RTL9: variants seen among roughly 807,000 people sequenced by gnomAD.
RTL9 encodes the protein retrotransposon Gag like 9.
A neutral mutation model predicts 44.7 loss-of-function variants in RTL9; 19 were observed. The observed-to-expected ratio is 0.42, with a 90% CI of 0.30 to 0.62. The LOEUF (loss-of-function observed/expected upper bound fraction) is 0.62. Among genes scored for constraint, RTL9 ranks in the 20% least tolerant of loss-of-function variants. The probability of loss-of-function intolerance (pLI) is 0.16; values close to 1 mark genes in which losing one functional copy is unlikely to be tolerated. For missense variants in RTL9, 1,105 were observed against 1,080.6 expected, an observed-to-expected ratio of 1.02 and a Z score of -0.32; for synonymous variants, 407 against 398.9, an observed-to-expected ratio of 1.02 and a Z score of -0.24.
intron 1 of RTL9, among the ~76,000 whole-genome samples, chrX:110,375,173 G>T (rs1213682117): frequency 9.0e-6 from 1 of 111,641 alleles, no homozygotes; most frequent in African/African-American, 3.3e-5. Context: ...GGAATTGCAA[G>T]ACTAAAAATG....
chrX:110,445,781 G>A (rs894511118), upstream of RTL9, among the ~76,000 whole-genome samples: 1 of 112,080 alleles, frequency 8.9e-6, no homozygotes, highest in African/African-American at 3.2e-5. Context: ...GAGGCGGCAG[G>A]AGCATGACAC....
chrX:110,412,241 A>T (rs1301176854), intron 1 of RTL9, among the ~76,000 whole-genome samples: 1 of 112,622 alleles, frequency 8.9e-6, no homozygotes, highest in Non-Finnish European at 1.9e-5. Flanking sequence ...GGGCAACTGG[A>T]AATGTTATTT....
chrX:110,448,552 C>T (rs748705412), upstream of RTL9, among the ~76,000 whole-genome samples: 6 of 107,505 alleles, frequency 5.6e-5, no homozygotes, highest in East Asian at 8.8e-4. Context: ...AGTGCTAAGG[C>T]GGAGCTTCTG....
chrX:110,393,988 G>T (rs1449880609), intron 1 of RTL9, among the ~76,000 whole-genome samples: 1 of 112,549 alleles, frequency 8.9e-6, no homozygotes, highest in African/African-American at 3.2e-5. Flanking sequence ...CGCTCAATGA[G>T]CGCTTTTGTG....
intron 1 of RTL9, among the ~76,000 whole-genome samples, chrX:110,367,146 G>GTCAT (rs1230199493): frequency 2.7e-5 from 3 of 111,632 alleles, no homozygotes; most frequent in African/African-American, 9.8e-5. Context: ...CCTAATCAAG[G>GTCAT]TCATTACTCA....
At chrX:110,451,879 C>G in exon 1 of RTL9, 1 of 1,212,030 alleles carries the variant, frequency 8.3e-7, no homozygotes. Flanking sequence ...GCCCCAGCCT[C>G]TGGAAATATG....
At chrX:110,441,828 A>G (rs766981470) in intron 1 of RTL9, among the ~76,000 whole-genome samples, 3 of 112,055 alleles carry the variant, frequency 2.7e-5, no homozygotes, top group Non-Finnish European at 5.6e-5. Context: ...TATTTCGTGC[A>G]TGTAATGTAC....
intron 1 of RTL9, among the ~76,000 whole-genome samples, chrX:110,389,657 T>G (rs973588959): frequency 9.0e-6 from 1 of 110,695 alleles, no homozygotes; most frequent in African/African-American, 3.3e-5. Flanking sequence ...GTATTCAACC[T>G]TCAAAGCCAG....
At chrX:110,390,443 A>G (rs2068487028) in intron 1 of RTL9, among the ~76,000 whole-genome samples, 2 of 112,327 alleles carry the variant, frequency 1.8e-5, no homozygotes, top group Non-Finnish European at 3.8e-5. Context: ...GAACATCAAC[A>G]CTGCTTTTAG....
At chrX:110,388,906 T>C (rs1474293330) in intron 1 of RTL9, among the ~76,000 whole-genome samples, 1 of 112,510 alleles carries the variant, frequency 8.9e-6, no homozygotes, top group East Asian at 2.8e-4. Flanking sequence ...GAGTGTGAAC[T>C]GGCTAGGAAA....
upstream of RTL9, among the ~76,000 whole-genome samples, chrX:110,415,767 A>T (rs1305251461): frequency 9.0e-6 from 1 of 111,438 alleles, no homozygotes; most frequent in Non-Finnish European, 1.9e-5. Context: ...GCAGTAAAAT[A>T]CTCATTCCTT....
rs185801338 is a variant in RTL9, at chrX:110,360,331, C to G, written c.-168+1415C>G. ...GGGCTTTTGAATTTTATTCTGTGGA[C>G]CTACAGAATAGGTAGGCAAAATATG... is the stretch of plus-strand genomic sequence containing the variant. On this transcript the variant is annotated intron_variant, in intron 1 of 2. Transcript: ENST00000520821. Among the ~76,000 whole-genome samples, 19 of 111,457 alleles carry G rather than the reference C, an allele frequency of 1.7e-4. No homozygotes were observed. In the East Asian group the frequency reaches 5.4e-3, roughly 32 times the overall value.
chrX:110,373,126 A>G (rs190740478), intron 1 of RTL9, among the ~76,000 whole-genome samples: 75 of 112,010 alleles, frequency 6.7e-4, no homozygotes, highest in African/African-American at 2.4e-3. Context: ...ATAAGTAGGG[A>G]GTAAAACGTT....
intron 1 of RTL9, among the ~76,000 whole-genome samples, chrX:110,433,318 G>A (rs1415682641): frequency 8.9e-6 from 1 of 112,198 alleles, no homozygotes; most frequent in Admixed American, 9.5e-5. Flanking sequence ...ACAACTCTTA[G>A]ATACCAAGTC....
chrX:110,377,663 C>A (rs749553081), intron 1 of RTL9, among the ~76,000 whole-genome samples: 126 of 111,569 alleles, frequency 1.1e-3, no homozygotes, highest in Non-Finnish European at 2.1e-3. Context: ...GCTATCATAA[C>A]TTCTGTTTTC....
At chrX:110,394,290 G>T (rs746635050) in intron 1 of RTL9, among the ~76,000 whole-genome samples, 2 of 111,330 alleles carry the variant, frequency 1.8e-5, no homozygotes, top group African/African-American at 6.5e-5. Context: ...CACTCCTCTC[G>T]CCCAGGCTGG....
In RTL9 at chrX:110,383,532, C is replaced by T. The variant is rs147391213; in HGVS notation, c.-168+24616C>T. Among the ~76,000 whole-genome samples, 576 of 111,355 alleles carry T rather than the reference C, an allele frequency of 5.2e-3. 4 individuals carry two copies. Among genetic ancestry groups the T allele is most frequent in the African/African-American group, 0.018 (543 of 30,626 alleles). On this transcript the variant is annotated intron_variant, in intron 1 of 2. Transcript: ENST00000520821. ...GTTTCATCTTCCACTTTTACTGCTT[C>T]TCCCCACCCCTTCACAATCCTGACA...
At chrX:110,445,092 C>G (rs1353924644) in intron 1 of RTL9, 61 bp from the exon 2 acceptor site, 1 of 112,514 alleles carries the variant, frequency 8.9e-6, no homozygotes, top group Non-Finnish European at 1.9e-5. Flanking sequence ...TCCCAACTAA[C>G]AGTCAAATCC....
intron 1 of RTL9, among the ~76,000 whole-genome samples, chrX:110,436,275 G>C (rs780212032): frequency 9.0e-6 from 1 of 111,098 alleles, no homozygotes; most frequent in Non-Finnish European, 1.9e-5. Context: ...TTCATTATGC[G>C]ACCCAGCTGT....
Sources: gnomAD v4.1 joint callset for allele counts (sites outside exome capture counted in the v4.1 genomes callset) on GRCh38, gnomAD v4.1.1 for gene constraint, MANE v1.5 for transcripts, NCBI Gene and HGNC (gene_info 2026-07-23, HGNC 2026-07-21) for gene names.